Variants in DPYD observed in about 807,000 individuals in gnomAD.
The protein encoded by DPYD is dihydropyrimidine dehydrogenase [NADP(+)].
Under a neutral mutation model 116.2 loss-of-function variants are expected in DPYD, and 109 were observed. The ratio of observed to expected loss-of-function variants is 0.94; its 90% CI spans 0.80 to 1.10. DPYD has a LOEUF of 1.10. Ranked by LOEUF, DPYD falls within the 50% of genes least tolerant of loss-of-function variation. The pLI is 0.00. For missense variants in DPYD, 1,302 were observed against 1,254.5 expected (o/e 1.04, Z -0.57); for synonymous variants, 440 against 432.0 (o/e 1.02, Z -0.23).
At chr1:97,498,916 AT>A (rs1679421836) in intron 13 of DPYD, among the ~76,000 whole-genome samples, 1 of 151,676 alleles carries the variant, frequency 6.6e-6, no homozygotes, top group Admixed American at 6.6e-5. Context: ...ATAAAGAAAT[AT>A]TTTTTCTTAA....
At chr1:97,596,909 G>T (rs534669162) in intron 8 of DPYD, among the ~76,000 whole-genome samples, 2 of 152,290 alleles carry the variant, frequency 1.3e-5, no homozygotes, top group Admixed American at 1.3e-4. Context: ...GCATAGTTAG[G>T]GGAGCCACCT....
At chr1:97,526,416 C>T (rs1009595364) in intron 12 of DPYD, among the ~76,000 whole-genome samples, 7 of 152,136 alleles carry the variant, frequency 4.6e-5, no homozygotes, top group Non-Finnish European at 1.0e-4. Context: ...ACCAGAAACA[C>T]GTAGAGAGTT....
At chr1:97,347,732 C>T (rs954346167) in intron 16 of DPYD, among the ~76,000 whole-genome samples, 2 of 151,970 alleles carry the variant, frequency 1.3e-5, no homozygotes, top group African/African-American at 4.8e-5. Flanking sequence ...ACATGATGTT[C>T]TGAAGTATAT....
intron 20 of DPYD, among the ~76,000 whole-genome samples, chr1:97,190,904 C>T (rs140822375): frequency 3.6e-4 from 55 of 152,152 alleles, no homozygotes; most frequent in African/African-American, 1.3e-3. Context: ...CAAAATTTTC[C>T]TGTGTAAAGA....
intron 12 of DPYD, chr1:97,546,523 G>A (rs1650879666): frequency 6.3e-7 from 1 of 1,598,714 alleles, no homozygotes; most frequent in African/African-American, 1.3e-5. Context: ...AGAGTGGCAA[G>A]AATTACTACA....
intron 20 of DPYD, among the ~76,000 whole-genome samples, chr1:97,191,136 T>C (rs1171087634): frequency 6.6e-6 from 1 of 151,650 alleles, no homozygotes; most frequent in Admixed American, 6.6e-5. Flanking sequence ...GAATGATTAG[T>C]TTGCTGAGAA....
At chr1:97,216,324 A>C (rs977841256) in intron 19 of DPYD, among the ~76,000 whole-genome samples, 3 of 152,194 alleles carry the variant, frequency 2.0e-5, no homozygotes, top group Non-Finnish European at 2.9e-5. Context: ...TAAAACAGAA[A>C]TCCATTTGGC....
chr1:97,593,142 G>C (rs866949518), intron 10 of DPYD, 76 bp downstream of exon 10: 5 of 1,514,266 alleles, frequency 3.3e-6, no homozygotes, highest in Admixed American at 1.7e-5. Flanking sequence ...ACATTCTAGC[G>C]ATTTAAACAT....
intron 20 of DPYD, among the ~76,000 whole-genome samples, chr1:97,125,307 G>A (rs1252106185): frequency 6.6e-6 from 1 of 151,952 alleles, no homozygotes; most frequent in Non-Finnish European, 1.5e-5. Flanking sequence ...AGACTATCTT[G>A]ATCACATGAG....
At chr1:97,389,310 G>GA (rs11349223) in intron 14 of DPYD, among the ~76,000 whole-genome samples, 6,011 of 138,558 alleles carry the variant, frequency 0.043, 153 homozygotes, top group East Asian at 0.068. Flanking sequence ...TTTTGTCTTT[G>GA]AAAAAAAAAA....
At chr1:97,312,880 T>C (rs1234059741) in intron 16 of DPYD, among the ~76,000 whole-genome samples, 2 of 151,854 alleles carry the variant, frequency 1.3e-5, no homozygotes, top group Admixed American at 1.3e-4. Context: ...CTAATATAGA[T>C]AAATTTCATC....
At chr1:97,858,770 A>G (rs1453423229) in intron 2 of DPYD, among the ~76,000 whole-genome samples, 1 of 152,168 alleles carries the variant, frequency 6.6e-6, no homozygotes. Context: ...CATTCAATTA[A>G]GTATTATCAA....
intron 3 of DPYD, among the ~76,000 whole-genome samples, chr1:97,803,952 T>G (rs924143940): frequency 6.6e-6 from 1 of 151,822 alleles, no homozygotes; most frequent in Non-Finnish European, 1.5e-5. Context: ...ATTTTTAAAG[T>G]GAAAATAACT....
chr1:97,109,488 T>C (rs1339508041), intron 20 of DPYD, among the ~76,000 whole-genome samples: 2 of 151,800 alleles, frequency 1.3e-5, no homozygotes, highest in Non-Finnish European at 2.9e-5. Flanking sequence ...CCTTACACAA[T>C]GGAATGGAAG....
chr1:97,287,916 T>C (rs1259120294), intron 18 of DPYD, among the ~76,000 whole-genome samples: 3 of 151,796 alleles, frequency 2.0e-5, no homozygotes, highest in Non-Finnish European at 4.4e-5. Flanking sequence ...TCAAGTCCCA[T>C]CAGTGTGCTG....
intron 13 of DPYD, among the ~76,000 whole-genome samples, chr1:97,510,589 G>A (rs1028900474): frequency 3.9e-5 from 6 of 151,916 alleles, no homozygotes; most frequent in Admixed American, 6.6e-5. Context: ...ACATTTGGGA[G>A]GGATGTGAAT....
chr1:97,873,357 G>T (rs1671751653), intron 2 of DPYD, among the ~76,000 whole-genome samples: 1 of 151,646 alleles, frequency 6.6e-6, no homozygotes, highest in Admixed American at 6.6e-5. Flanking sequence ...TCTTTAAGGG[G>T]GTTCATTACT....
chr1:97,501,936 A>G (rs1292503332), intron 13 of DPYD, among the ~76,000 whole-genome samples: 1 of 152,038 alleles, frequency 6.6e-6, no homozygotes, highest in African/African-American at 2.4e-5. Flanking sequence ...TATTCCTCTG[A>G]GGTCATGTAT....
chr1:97,845,846 C>T (rs569752479), intron 2 of DPYD, among the ~76,000 whole-genome samples: 4 of 152,322 alleles, frequency 2.6e-5, no homozygotes, highest in African/African-American at 9.6e-5. Flanking sequence ...TTCCCCTCAT[C>T]CACGTGTGGG....
Sources: gnomAD v4.1 joint callset for allele counts (sites outside exome capture counted in the v4.1 genomes callset) on GRCh38, gnomAD v4.1.1 for gene constraint, MANE v1.5 for transcripts, NCBI Gene and HGNC (gene_info 2026-07-23, HGNC 2026-07-21) for gene names.